Variants in ZNF41 observed in about 807,000 individuals in gnomAD.
ZNF41 encodes zinc finger protein 41.
Under a neutral mutation model 9.3 loss-of-function variants are expected in ZNF41, and 6 were observed. That is an observed-to-expected ratio of 0.65 (90% CI 0.35 to 1.28). The LOEUF (loss-of-function observed/expected upper bound fraction) is 1.28. ZNF41 is among the 50% of genes most tolerant of loss of function. The probability of loss-of-function intolerance (pLI) is 0.03; values close to 1 mark genes in which losing one functional copy is unlikely to be tolerated. For synonymous variants in ZNF41, 192 were observed against 207.1 expected (o/e 0.93, Z 0.63); for missense variants, 523 against 585.8 (o/e 0.89, Z 1.11).
In ZNF41 at chrX:47,447,631, A is replaced by G. The variant is rs754457745; in HGVS notation, c.2139T>C (p.His713=). 10 of 1,210,170 alleles carry G rather than the reference A, an allele frequency of 8.3e-6. No homozygotes were observed. Among genetic ancestry groups the G allele is most frequent in the Non-Finnish European group, 1.1e-5 (10 of 895,286 alleles). Residue 713 remains histidine (H), a synonymous_variant, in exon 5 of 5, where the codon CAT becomes CAC. Coordinates refer to ENST00000684689, the MANE Select transcript of ZNF41 (RefSeq NM_001324144.2). ...TACATTCATAGTGTCTTTCTCCAGT[A>G]TGAGACTTCTGATGTATATTGAGGC... ...KSRLNIHQKS[H]TGERHYECSK... is the part of the protein sequence containing the mutation.
intron 3 of ZNF41, 119 bp from the exon 4 acceptor site, chrX:47,456,135 A>G: frequency 9.4e-7 from 1 of 1,066,445 alleles, no homozygotes; most frequent in South Asian, 1.9e-5. Flanking sequence ...ACAGAGTAAT[A>G]ATCACAGAGG....
chrX:47,481,697 G>A (rs953450149), intron 1 of ZNF41, among the ~76,000 whole-genome samples: 15 of 111,661 alleles, frequency 1.3e-4, no homozygotes, highest in African/African-American at 4.9e-4. Context: ...CATGTGACAC[G>A]GAGCTAAAGT....
At chrX:47,457,432 C>A (rs2056610566) in intron 2 of ZNF41, among the ~76,000 whole-genome samples, 1 of 109,454 alleles carries the variant, frequency 9.1e-6, no homozygotes, top group Non-Finnish European at 1.9e-5. Flanking sequence ...AAGGATTGAT[C>A]ACGAGGAATG....
intron 1 of ZNF41, among the ~76,000 whole-genome samples, chrX:47,481,590 TG>T (rs1490475944): frequency 8.9e-6 from 1 of 112,195 alleles, no homozygotes; most frequent in East Asian, 2.8e-4. Context: ...GAGGCTGCAG[TG>T]AGCCATGATC....
intron 2 of ZNF41, among the ~76,000 whole-genome samples, chrX:47,462,486 A>G (rs1453692222): frequency 9.1e-6 from 1 of 110,159 alleles, no homozygotes. Context: ...CTAACTATTC[A>G]TGCCTCCTGT....
intron 4 of ZNF41, among the ~76,000 whole-genome samples, chrX:47,450,627 C>T (rs925201203): frequency 8.9e-6 from 1 of 112,168 alleles, no homozygotes; most frequent in Non-Finnish European, 1.9e-5. Context: ...CTATTCTCCC[C>T]TTCTTTTACA....
At chrX:47,467,277 T>G in intron 2 of ZNF41, 133 bp downstream of exon 2, 1 of 1,151,783 alleles carries the variant, frequency 8.7e-7, no homozygotes, top group Non-Finnish European at 1.2e-6. Flanking sequence ...GACCCTGATC[T>G]GTCTCCAGGG....
intron 1 of ZNF41, among the ~76,000 whole-genome samples, chrX:47,477,519 CTTTTT>C (rs1160209319): frequency 8.9e-6 from 1 of 112,452 alleles, no homozygotes; most frequent in Non-Finnish European, 1.9e-5. Context: ...TGAAAAATAA[CTTTTT>C]TTCTTGGAGA....
At chrX:47,466,037 G>A (rs1217834633) in intron 2 of ZNF41, among the ~76,000 whole-genome samples, 2 of 110,643 alleles carry the variant, frequency 1.8e-5, no homozygotes, top group East Asian at 2.8e-4. Context: ...TCACACACAT[G>A]CACACATGCA....
intron 4 of ZNF41, among the ~76,000 whole-genome samples, chrX:47,454,550 T>TC (rs2056481485): frequency 8.9e-6 from 1 of 111,797 alleles, no homozygotes; most frequent in Non-Finnish European, 1.9e-5. Flanking sequence ...TCTCTACACA[T>TC]CCCTGAGAAA....
At chrX:47,466,501 C>A (rs2056990652) in intron 2 of ZNF41, among the ~76,000 whole-genome samples, 1 of 108,605 alleles carries the variant, frequency 9.2e-6, no homozygotes, top group Non-Finnish European at 1.9e-5. Flanking sequence ...GAGGCCTGGG[C>A]GAGTCATGTG....
chrX:47,454,246 T>C (rs948887739), intron 4 of ZNF41, among the ~76,000 whole-genome samples: 1 of 110,542 alleles, frequency 9.0e-6, no homozygotes, highest in Non-Finnish European at 1.9e-5. Flanking sequence ...GGCAATGTTA[T>C]GAACAAGGTA....
intron 1 of ZNF41, among the ~76,000 whole-genome samples, chrX:47,481,096 G>C (rs2057460313): frequency 9.0e-6 from 1 of 111,498 alleles, no homozygotes; most frequent in Non-Finnish European, 1.9e-5. Context: ...CATTGCAACT[G>C]CAATTAGAAA....
intron 2 of ZNF41, among the ~76,000 whole-genome samples, chrX:47,459,284 A>G (rs755446336): frequency 3.6e-5 from 4 of 110,118 alleles, no homozygotes; most frequent in Non-Finnish European, 7.6e-5. Flanking sequence ...TGGAAGGCGG[A>G]GGTTGCAGTG....
At chrX:47,465,283 G>C (rs368909800) in intron 2 of ZNF41, among the ~76,000 whole-genome samples, 3 of 112,281 alleles carry the variant, frequency 2.7e-5, no homozygotes, top group Non-Finnish European at 5.6e-5. Context: ...GACTGGTTGT[G>C]GGGGGATGGG....
chrX:47,467,831 T>C (rs773750799), intron 1 of ZNF41, 71 bp from the exon 2 acceptor site: 12 of 269,655 alleles, frequency 4.5e-5, no homozygotes, highest in Non-Finnish European at 5.9e-5. Context: ...ATTCACAAGA[T>C]CTGGTGTAAA....
At chrX:47,475,168 T>C (rs1037796356) in intron 1 of ZNF41, among the ~76,000 whole-genome samples, 2 of 107,238 alleles carry the variant, frequency 1.9e-5, no homozygotes, top group Non-Finnish European at 3.8e-5. Context: ...AAAATATATA[T>C]ATATGTATAT....
intron 4 of ZNF41, among the ~76,000 whole-genome samples, chrX:47,452,184 A>AGT (rs2056394491): frequency 9.0e-6 from 1 of 110,499 alleles, no homozygotes; most frequent in African/African-American, 3.3e-5. Flanking sequence ...ACGCACATGT[A>AGT]GTGTCCCCAG....
Position 47,455,952 on chromosome X carries a change from C to T in ZNF41, c.264G>A (p.Leu88=), listed in dbSNP as rs1449098830. The T allele has an allele frequency of 8.3e-7, 1 of 1,211,795 alleles. No individual in the cohort carries two copies. Among genetic ancestry groups the T allele is most frequent in the Non-Finnish European group, 1.1e-6 (1 of 895,459 alleles). Residue 88 remains leucine (L), a synonymous_variant, in exon 4 of 5, where the codon CTG becomes CTA. Transcript: ENST00000684689. ...AGCTCTGATGTGGGGCTTCCCCCTCCAGCATCCATGGCCCCTCTCCTTGCT... is the reference window on the plus strand; with the variant it reads ...AGCTCTGATGTGGGGCTTCCCCCTCTAGCATCCATGGCCCCTCTCCTTGCT... The part of the protein sequence containing the change: ...KLEQGEGPWM[L]EGEAPHQSCS...
Sources: gnomAD v4.1 joint callset for allele counts (sites outside exome capture counted in the v4.1 genomes callset) on GRCh38, gnomAD v4.1.1 for gene constraint, MANE v1.5 for transcripts, NCBI Gene and HGNC (gene_info 2026-07-23, HGNC 2026-07-21) for gene names.